MEGF11: variants seen among roughly 807,000 people sequenced by gnomAD.
MEGF11 encodes the protein multiple epidermal growth factor-like domains protein 11.
Under a neutral mutation model 146.6 loss-of-function variants are expected in MEGF11, and 126 were observed. The ratio of observed to expected loss-of-function variants is 0.86; its 90% CI spans 0.74 to 1.00. The LOEUF is 1.00. Among genes scored for constraint, MEGF11 ranks in the 50% least tolerant of loss-of-function variants. The pLI, the probability that MEGF11 is intolerant of heterozygous loss-of-function variation, is 0.00. For missense variants in MEGF11, 1,509 were observed against 1,521.2 expected, an observed-to-expected ratio of 0.99 and a Z score of 0.13; for synonymous variants, 532 against 583.4, an observed-to-expected ratio of 0.91 and a Z score of 1.27.
At chr15:65,908,690 A>C (rs2078703229) in intron 23 of MEGF11, among the ~76,000 whole-genome samples, 1 of 152,240 alleles carries the variant, frequency 6.6e-6, no homozygotes, top group Admixed American at 6.5e-5. Flanking sequence ...CAGGGCCCAG[A>C]GAACCCCAAA....
chr15:65,944,165 T>TGG (rs2080107138), intron 10 of MEGF11, among the ~76,000 whole-genome samples: 1 of 151,586 alleles, frequency 6.6e-6, no homozygotes, highest in African/African-American at 2.4e-5. Context: ...GGTGGCAGGG[T>TGG]GGGGAATAGA....
At chr15:66,048,068 C>T (rs567437779) in intron 5 of MEGF11, among the ~76,000 whole-genome samples, 3 of 152,154 alleles carry the variant, frequency 2.0e-5, no homozygotes, top group African/African-American at 7.2e-5. Context: ...GCCTCAGCCT[C>T]CCTAGAAGCT....
chr15:65,983,285 A>G (rs1042358258), intron 5 of MEGF11, among the ~76,000 whole-genome samples: 2 of 152,180 alleles, frequency 1.3e-5, no homozygotes, highest in Admixed American at 6.5e-5. Flanking sequence ...AATGTTTCAA[A>G]GAGAGATAGC....
chr15:66,209,384 T>C (rs571778945), intron 1 of MEGF11, among the ~76,000 whole-genome samples: 9 of 151,338 alleles, frequency 5.9e-5, no homozygotes, highest in East Asian at 3.9e-4. Flanking sequence ...AACACGCAAG[T>C]ACCATATGAG....
intron 5 of MEGF11, among the ~76,000 whole-genome samples, chr15:66,049,040 G>C (rs769545370): frequency 2.0e-5 from 3 of 152,176 alleles, no homozygotes; most frequent in Non-Finnish European, 4.4e-5. Context: ...AAGAGAGCTG[G>C]GGCCAGAGTG....
At chr15:66,241,643 G>A (rs2092211884) in intron 1 of MEGF11, among the ~76,000 whole-genome samples, 1 of 152,078 alleles carries the variant, frequency 6.6e-6, no homozygotes, top group East Asian at 1.9e-4. Flanking sequence ...GACCTTAGAG[G>A]GGACCCAGGT....
intron 5 of MEGF11, among the ~76,000 whole-genome samples, chr15:66,014,592 G>A (rs2140131881): frequency 1.3e-5 from 2 of 152,234 alleles, no homozygotes; most frequent in Non-Finnish European, 2.9e-5. Flanking sequence ...GATTCCCAGG[G>A]TACCCCAGGA....
intron 5 of MEGF11, among the ~76,000 whole-genome samples, chr15:66,078,193 G>A (rs1048230542): frequency 6.6e-5 from 10 of 152,192 alleles, no homozygotes; most frequent in African/African-American, 2.4e-4. Context: ...TCTGAGAGAT[G>A]GGGATGAGAA....
intron 1 of MEGF11, among the ~76,000 whole-genome samples, chr15:66,144,698 A>C (rs7174196): frequency 0.31 from 47,779 of 152,058 alleles, 8,339 homozygotes; most frequent in East Asian, 0.73. Context: ...GGGCTGGTAC[A>C]AGTGCCCTGG....
At chr15:66,177,686 T>C (rs898511497) in intron 1 of MEGF11, among the ~76,000 whole-genome samples, 34 of 151,274 alleles carry the variant, frequency 2.2e-4, no homozygotes, top group East Asian at 1.5e-3. Flanking sequence ...TTTTCTTCTT[T>C]TTTTTTTTTT....
chr15:66,216,997 A>ACTGG (rs1715445005), intron 1 of MEGF11, among the ~76,000 whole-genome samples: 1 of 152,232 alleles, frequency 6.6e-6, no homozygotes, highest in South Asian at 2.1e-4. Flanking sequence ...ACCCCATGGG[A>ACTGG]CTGGCCGAGG....
chr15:66,151,100 G>A (rs189470042), intron 1 of MEGF11, among the ~76,000 whole-genome samples: 123 of 152,188 alleles, frequency 8.1e-4, no homozygotes, highest in African/African-American at 2.7e-3. Context: ...TCCCACCTTT[G>A]AACTACTTGG....
At chr15:66,127,356 C>T (rs2088405910) in intron 2 of MEGF11, among the ~76,000 whole-genome samples, 2 of 152,230 alleles carry the variant, frequency 1.3e-5, no homozygotes, top group Non-Finnish European at 2.9e-5. Context: ...TGTCCCTCTG[C>T]CTCCCAGCTG....
chr15:66,165,602 C>A (rs985622686), intron 1 of MEGF11, among the ~76,000 whole-genome samples: 1 of 152,182 alleles, frequency 6.6e-6, no homozygotes, highest in Non-Finnish European at 1.5e-5. Flanking sequence ...CTGGGGAGCC[C>A]CTTTTGGGCC....
chr15:66,129,598 G>T (rs529273907), intron 1 of MEGF11, among the ~76,000 whole-genome samples: 1 of 152,214 alleles, frequency 6.6e-6, no homozygotes, highest in African/African-American at 2.4e-5. Context: ...AATGGTTGGG[G>T]ATCTATCCCG....
chr15:66,003,284 A>T (rs1362729692), intron 5 of MEGF11, among the ~76,000 whole-genome samples: 6 of 151,990 alleles, frequency 3.9e-5, no homozygotes, highest in Non-Finnish European at 5.9e-5. Flanking sequence ...GTGAGTCACC[A>T]CGCCTGGCCC....
At chr15:65,943,765 A>G (rs1185299905) in intron 10 of MEGF11, among the ~76,000 whole-genome samples, 1 of 152,134 alleles carries the variant, frequency 6.6e-6, no homozygotes, top group African/African-American at 2.4e-5. Context: ...CCTGGCCATG[A>G]AGCCCCAACG....
At chr15:65,920,585 A>C (rs1366495537) in intron 15 of MEGF11, among the ~76,000 whole-genome samples, 2 of 152,238 alleles carry the variant, frequency 1.3e-5, no homozygotes, top group Non-Finnish European at 2.9e-5. Flanking sequence ...TGATCAATCT[A>C]ATCCATTAAT....
chr15:66,031,871 CTTCG>C (rs1306224621), intron 5 of MEGF11, among the ~76,000 whole-genome samples: 1 of 152,218 alleles, frequency 6.6e-6, no homozygotes, highest in Admixed American at 6.5e-5. Context: ...TTGGGAGTGG[CTTCG>C]TTATGAAAGT....
Sources: allele counts gnomAD v4.1 joint callset (sites outside exome capture counted in the v4.1 genomes callset), GRCh38; gene constraint gnomAD v4.1.1; transcripts MANE v1.5; gene names NCBI Gene and HGNC (gene_info 2026-07-23, HGNC 2026-07-21).